ZFHX2: variants seen among roughly 807,000 people sequenced by gnomAD.
ZFHX2 encodes zinc finger homeobox protein 2.
In ZFHX2, 75 loss-of-function variants were observed where a neutral mutation model predicts 164.8. That is an observed-to-expected ratio of 0.46 (90% CI 0.38 to 0.55). The LOEUF (loss-of-function observed/expected upper bound fraction) is 0.55, where lower values mean the gene tolerates loss of function less well. ZFHX2 is among the 20% of genes least tolerant of loss of function. The pLI is 0.00. For missense variants in ZFHX2, 2,933 were observed against 3,308.0 expected (o/e 0.89, Z 2.78); for synonymous variants, 1,217 against 1,351.4 (o/e 0.90, Z 2.18).
In ZFHX2 at chr14:23,523,707, T is replaced by C; in HGVS notation, c.6235A>G (p.Ile2079Val). 6.5e-7 allele frequency: 1 copy of C among 1,536,694 alleles called. No individual in the cohort carries two copies. Among genetic ancestry groups the C allele is most frequent in the Non-Finnish European group, 8.7e-7 (1 of 1,147,086 alleles). Residue 2079 changes from isoleucine (I) to valine (V), a missense_variant, in exon 9 of 10, where the codon ATC becomes GTC. By Grantham distance (29) the Ile-to-Val change is conservative. Coordinates refer to ENST00000419474, the MANE Select transcript of ZFHX2 (RefSeq NM_033400.3). This position sits in a 1 kb window ranked among gnomAD's most constrained non-coding sequence, Gnocchi z 4.1. ...TAAGCTTCATAGCAGGCTTTCATGA[T>C]CTTCAGCTGCAGGCTGCTCATCTGG... ...RTQMSSLQLKIMKACYEAYRT... is the reference protein window; with the variant it reads ...RTQMSSLQLKVMKACYEAYRT...
At position 23,525,970 on chromosome 14, in the gene ZFHX2, G is replaced by A; in HGVS notation, c.3972C>T (p.Ser1324=). ...GCAGGTCCAAGGGAGGTGGGGGAGG[G>A]GACAGGAAAGGCAATCCAGATATGA... is the stretch of plus-strand genomic sequence containing the variant. ...SGFISGLPFL[S]PPPPPLDLHR... Residue 1324 remains serine (S), a synonymous_variant, in exon 9 of 10, where the codon TCC becomes TCT. Coordinates refer to ENST00000419474, the MANE Select transcript of ZFHX2 (RefSeq NM_033400.3). The surrounding 1 kb of genome is among the most constrained non-coding windows in gnomAD (Gnocchi z 5.9). The A allele has an allele frequency of 2.7e-6, 4 of 1,507,878 alleles. No homozygotes were observed. The highest frequency in any genetic ancestry group is 2.6e-5 in the South Asian group (2 of 77,874). The allele number at this position is 1,507,878 out of a possible 1,614,324, so 93.4% of individuals were successfully genotyped here.
chr14:23,528,944 G>A lies in ZFHX2; in HGVS notation c.2934+766C>T, dbSNP rs140496828. On this transcript the variant is annotated intron_variant, in intron 6 of 9. Coordinates refer to ENST00000419474, the MANE Select transcript of ZFHX2 (RefSeq NM_033400.3). ...AGGGGATCCAGATGCTCATCTTAAC[G>A]CACCTAGCCCCTGGAGCAGACATCT... The A allele has an allele frequency of 1.1e-4, 68 of 591,926 alleles. No individual in the cohort carries two copies. The African/African-American group carries it at 1.2e-3, about 10-fold the overall frequency. 36.7% of individuals were successfully genotyped at this position (591,926 alleles called of 1,614,324 possible).
At chr14:23,544,933 C>T (rs1357980644) in intron 1 of ZFHX2, among the ~76,000 whole-genome samples, 8 of 152,042 alleles carry the variant, frequency 5.3e-5, no homozygotes, top group African/African-American at 1.9e-4. Flanking sequence ...TTTCCCTGGC[C>T]GTTTTTCTGC....
rs898595864 is a variant in ZFHX2, at chr14:23,551,734, G to C, written c.-441C>G. ...CCCTCACTCCTCCGCCTCATTCACT[G>C]GCTGGAGTCTAGGCGTCCCACACAA... On this transcript the variant is annotated 5_prime_UTR_variant, in exon 1 of 10. Coordinates refer to ENST00000419474, the MANE Select transcript of ZFHX2 (RefSeq NM_033400.3). This position sits in a 1 kb window ranked among gnomAD's most constrained non-coding sequence, Gnocchi z 5.3. 6.5e-6 allele frequency: 1 copy of C among 153,602 alleles called. No individual in the cohort carries two copies. The highest frequency in any genetic ancestry group is 1.5e-5 in the Non-Finnish European group (1 of 68,668). 9.5% of individuals were successfully genotyped at this position (153,602 alleles called of 1,614,324 possible).
At chr14:23,552,166 A>G (rs1882017106), upstream of ZFHX2, among the ~76,000 whole-genome samples, 3 of 151,738 alleles carry the variant, frequency 2.0e-5, no homozygotes, top group South Asian at 2.1e-4. Context: ...TACCGCAGCA[A>G]TTACTCTTTA....
chr14:23,525,500 G>T lies in ZFHX2; in HGVS notation c.4442C>A (p.Ala1481Asp). The part of the protein sequence containing the change: ...PEALGGGDKL[A>D]CGACGKLFSN... The stretch of plus-strand genomic sequence containing the variant: ...GAAGAGTTTCCCACAGGCCCCACAG[G>T]CCAGCTTGTCCCCACCCCCGAGGGC... The change falls in exon 9 of 10, where the codon GCC (alanine) becomes GAC (aspartate). Residue 1481 changes from alanine (A) to aspartate (D), a missense_variant. Ala to Asp is a moderately radical substitution (Grantham distance 126, BLOSUM62 -2). Transcript: ENST00000419474. This position sits in a 1 kb window ranked among gnomAD's most constrained non-coding sequence, Gnocchi z 5.9. The T allele has an allele frequency of 6.5e-7, 1 of 1,535,770 alleles. No individual in the cohort carries two copies. The highest frequency in any genetic ancestry group is 8.7e-7 in the Non-Finnish European group (1 of 1,146,900).
intron 1 of ZFHX2, among the ~76,000 whole-genome samples, chr14:23,541,390 C>T (rs1468893799): frequency 2.0e-5 from 3 of 151,302 alleles, no homozygotes; most frequent in Non-Finnish European, 2.9e-5. Context: ...TGGGTTCAAG[C>T]GATTCTCCTG....
chr14:23,526,729 A>G (rs1878757326), intron 8 of ZFHX2, 50 bp from the exon 9 acceptor site: 2 of 1,535,134 alleles, frequency 1.3e-6, no homozygotes, highest in Admixed American at 2.0e-5. Flanking sequence ...CGTTTAAGCC[A>G]GACCCCACCC....
intron 1 of ZFHX2, among the ~76,000 whole-genome samples, chr14:23,549,113 C>T (rs1466253037): frequency 6.6e-6 from 1 of 151,968 alleles, no homozygotes; most frequent in Non-Finnish European, 1.5e-5. Flanking sequence ...TTCTGTTGAC[C>T]TCCACTTTAG....
chr14:23,529,449 C>A, intron 6 of ZFHX2: 1 of 484,788 alleles, frequency 2.1e-6, no homozygotes, highest in Admixed American at 3.4e-5. Context: ...CTACTCTCAG[C>A]ACAATTCCTT....
Position 23,534,241 on chromosome 14 carries a change from T to G in ZFHX2, c.1085A>C (p.Glu362Ala), listed in dbSNP as rs780545806. 6.6e-7 allele frequency: 1 copy of G among 1,522,750 alleles called. No homozygotes were observed. Among genetic ancestry groups the G allele is most frequent in the Non-Finnish European group, 8.8e-7 (1 of 1,139,208 alleles). 94.3% of individuals were successfully genotyped at this position (1,522,750 alleles called of 1,614,324 possible). The change falls in exon 2 of 10, where the codon GAA becomes GCA. Residue 362 changes from glutamate (E) to alanine (A), a missense_variant. Transcript: ENST00000419474. The surrounding 1 kb of genome is among the most constrained non-coding windows in gnomAD (Gnocchi z 4.5). ...TGCCTCGCCTGCTGCTACTGGCGAT[T>G]CTTTGGCTTGGGTTGGGCTGGGGTC... ...TWDPSPTQAK[E>A]SPVAAGEAGP...
rs1169426014 is a variant in ZFHX2, at chr14:23,524,665, C to T, written c.5277G>A (p.Glu1759=). 1 of 1,536,318 alleles carries T rather than the reference C, an allele frequency of 6.5e-7. No homozygotes were observed. The highest frequency in any genetic ancestry group is 8.7e-7 in the Non-Finnish European group (1 of 1,146,920). ...CTGGGGAAGGTGATGGAGTAGCCTT[C>T]TCTTCAGGCTCTTTGCCTCCTGCCT... is the stretch of plus-strand genomic sequence containing the variant. The part of the protein sequence containing the change: ...ATKAGGKEPE[E]KATPSPSPAH... Residue 1759 remains glutamate, a synonymous_variant, in exon 9 of 10, where the codon GAG becomes GAA. Coordinates refer to ENST00000419474, the MANE Select transcript of ZFHX2 (RefSeq NM_033400.3). This position sits in a 1 kb window ranked among gnomAD's most constrained non-coding sequence, Gnocchi z 5.6.
chr14:23,545,509 T>C (rs1485583971), intron 1 of ZFHX2, among the ~76,000 whole-genome samples: 1 of 152,218 alleles, frequency 6.6e-6, no homozygotes, highest in Non-Finnish European at 1.5e-5. Context: ...CACCTTTGAC[T>C]CCTATCTCTG....
intron 8 of ZFHX2, 40 bp from the exon 9 acceptor site, chr14:23,526,719 C>G: frequency 1.3e-6 from 2 of 1,535,602 alleles, no homozygotes; most frequent in Non-Finnish European, 1.7e-6. Context: ...GAGGGAACTT[C>G]GTTTAAGCCA....
Position 23,534,574 on chromosome 14 carries a change from GC to G in ZFHX2, c.751del (p.Ala251ProfsTer11). Reference protein sequence around the residue: ...LCRLGFSKPQAFMDHTQSHGV... With the variant: ...LCRLGFSKPQXFMDHTQSHGV... ...ATGAGACTGTGTGTGATCCATAAAG[GC>G]CTGGGGCTTGCTGAAACCCAGGCGG... On this transcript the variant is annotated frameshift_variant, in exon 2 of 10. Transcript: ENST00000419474. LOFTEE classifies it high-confidence loss of function. The surrounding 1 kb of genome is among the most constrained non-coding windows in gnomAD (Gnocchi z 4.5). 1 of 1,536,126 alleles carries G rather than the reference GC, an allele frequency of 6.5e-7. No homozygotes were observed. The highest frequency in any genetic ancestry group is 8.7e-7 in the Non-Finnish European group (1 of 1,146,894).
In ZFHX2 at chr14:23,531,396, T is replaced by C. The variant is rs116607391; in HGVS notation, c.2800+85A>G. 1,212 of 1,327,450 alleles carry C rather than the reference T, an allele frequency of 9.1e-4. 13 individuals are homozygous for C. The African/African-American group carries it at 0.016, about 18-fold the overall frequency. The allele number at this position is 1,327,450 out of a possible 1,614,324, so 82.2% of individuals were successfully genotyped here. ...CTACAGGCCCTCTTCGCCTTCCTTG[T>C]ATCTCTAACTCCGCAGCCCCCCTGC... is the stretch of plus-strand genomic sequence containing the variant. On this transcript the variant is annotated intron_variant, in intron 4 of 9. Coordinates refer to ENST00000419474, the MANE Select transcript of ZFHX2 (RefSeq NM_033400.3).
chr14:23,535,220 G>T lies in ZFHX2; in HGVS notation c.106C>A (p.Pro36Thr), dbSNP rs12883747. The T allele has an allele frequency of 6.6e-7, 1 of 1,526,038 alleles. No homozygotes were observed. The highest frequency in any genetic ancestry group is 1.4e-5 in the African/African-American group (1 of 72,992). The allele number at this position is 1,526,038 out of a possible 1,614,324, so 94.5% of individuals were successfully genotyped here. ...DTFSSSTPSD[P>T]VTKDPPAASS... ...GCAGCAGGGGGATCTTTGGTGACAGGATCAGAGGGGGTGCTGGAGGAGAAG... is the reference window on the plus strand; with the variant it reads ...GCAGCAGGGGGATCTTTGGTGACAGTATCAGAGGGGGTGCTGGAGGAGAAG... Residue 36 changes from proline (P) to threonine (T), a missense_variant, in exon 2 of 10, where the codon CCT becomes ACT. By Grantham distance (38) the Pro-to-Thr change is conservative. Transcript: ENST00000419474. The surrounding 1 kb of genome is among the most constrained non-coding windows in gnomAD (Gnocchi z 4.5).
At chr14:23,538,140 C>T (rs1595172989) in intron 1 of ZFHX2, 1 of 152,318 alleles carries the variant, frequency 6.6e-6, no homozygotes, top group East Asian at 1.9e-4. Flanking sequence ...TGATTCCTAG[C>T]TAGAAACCAA....
intron 1 of ZFHX2, chr14:23,548,431 C>G (rs754628279): frequency 2.0e-5 from 3 of 152,172 alleles, no homozygotes; most frequent in Admixed American, 1.3e-4. Context: ...AGCACCCCGG[C>G]AAAGCAGCAA....
Sources: allele counts gnomAD v4.1 joint callset (sites outside exome capture counted in the v4.1 genomes callset), GRCh38; gene constraint gnomAD v4.1.1; non-coding constraint Gnocchi (gnomAD v3.1); transcripts MANE v1.5; gene names NCBI Gene and HGNC (gene_info 2026-07-23, HGNC 2026-07-21).